The following GPC6 variants were observed in gnomAD, a reference collection of about 807,000 sequenced individuals.
GPC6 encodes glypican 6.
In GPC6, 14 loss-of-function variants were observed where a neutral mutation model predicts 55.2. The ratio of observed to expected loss-of-function variants is 0.25; its 90% confidence interval spans 0.17 to 0.40. The LOEUF (loss-of-function observed/expected upper bound fraction) is 0.40, where lower values mean the gene tolerates loss of function less well. GPC6 is among the 10% of genes least tolerant of loss of function. GPC6 has a pLI of 1.00. For missense variants in GPC6, 641 were observed against 708.5 expected (o/e 0.90, Z 1.08); for synonymous variants, 278 against 259.6 (o/e 1.07, Z -0.68).
chr13:94,250,989 G>C (rs1186167618), intron 4 of GPC6, among the ~76,000 whole-genome samples: 1 of 152,102 alleles, frequency 6.6e-6, no homozygotes, highest in African/African-American at 2.4e-5. Flanking sequence ...GTAAATAGGG[G>C]AGATGGAATT....
At chr13:93,547,046 G>T (rs999933761) in intron 2 of GPC6, among the ~76,000 whole-genome samples, 1 of 151,950 alleles carries the variant, frequency 6.6e-6, no homozygotes, top group Non-Finnish European at 1.5e-5. Flanking sequence ...CCAAGACTGA[G>T]CCGGCCAGGC....
intron 1 of GPC6, among the ~76,000 whole-genome samples, chr13:93,283,386 A>G (rs1237014866): frequency 2.6e-5 from 4 of 152,234 alleles, no homozygotes; most frequent in African/African-American, 9.6e-5. Context: ...TTTCTCAAGA[A>G]AATAAGAGAT....
chr13:93,557,138 T>A (rs1295400822), intron 2 of GPC6, among the ~76,000 whole-genome samples: 6 of 152,140 alleles, frequency 3.9e-5, no homozygotes, highest in African/African-American at 1.4e-4. Flanking sequence ...TCTGAAAAAA[T>A]AAAATAAATT....
rs571627117 is a variant in GPC6, at chr13:93,695,876, G to A, written c.320-134278G>A. 2.7e-4 allele frequency among the ~76,000 whole-genome samples: 41 copies of A among 151,982 alleles called. 1 individual carries two copies. In the South Asian group the frequency reaches 8.1e-3, roughly 30 times the overall value. ...TTGAACCTATTTTCCACCCATTTTT[G>A]TTCTTATAGTTAGAAGGTAGGCAGG... On this transcript the variant is annotated intron_variant, in intron 2 of 8. Coordinates refer to ENST00000377047, the MANE Select transcript of GPC6 (RefSeq NM_005708.5).
chr13:93,241,375 C>T (rs1876422542), intron 1 of GPC6, among the ~76,000 whole-genome samples: 2 of 152,252 alleles, frequency 1.3e-5, no homozygotes, highest in South Asian at 4.1e-4. Context: ...GTTGGGTAAA[C>T]CCAAAAGCCT....
chr13:93,322,431 CTTTTT>C (rs71272281), intron 1 of GPC6, among the ~76,000 whole-genome samples: 90 of 96,778 alleles, frequency 9.3e-4, no homozygotes, highest in African/African-American at 3.6e-3. Flanking sequence ...TTTCTTTCTT[CTTTTT>C]TTTTTTTTTT....
intron 4 of GPC6, among the ~76,000 whole-genome samples, chr13:94,202,265 T>C (rs554562230): frequency 1.8e-4 from 28 of 152,314 alleles, no homozygotes; most frequent in African/African-American, 6.7e-4. Flanking sequence ...TTTCACTAAA[T>C]AAAAAGATGT....
intron 2 of GPC6, among the ~76,000 whole-genome samples, chr13:93,582,807 G>A (rs549753485): frequency 6.6e-6 from 1 of 152,274 alleles, no homozygotes; most frequent in African/African-American, 2.4e-5. Flanking sequence ...ACTGTCAAAC[G>A]TGCTAGGAAA....
chr13:93,856,695 A>G (rs558833460), intron 3 of GPC6, among the ~76,000 whole-genome samples: 1 of 151,602 alleles, frequency 6.6e-6, no homozygotes, highest in Non-Finnish European at 1.5e-5. Context: ...ACATCATTCT[A>G]TGCAGATGGA....
intron 4 of GPC6, among the ~76,000 whole-genome samples, chr13:94,104,716 A>G (rs1885990436): frequency 6.6e-6 from 1 of 152,224 alleles, no homozygotes; most frequent in East Asian, 1.9e-4. Flanking sequence ...CCCATTCACA[A>G]TTGCTTCAAA....
intron 3 of GPC6, among the ~76,000 whole-genome samples, chr13:93,867,345 C>A (rs2139033558): frequency 6.6e-6 from 1 of 151,790 alleles, no homozygotes; most frequent in Non-Finnish European, 1.5e-5. Context: ...TGTGTGTGAA[C>A]TGAGAAGTCT....
intron 1 of GPC6, among the ~76,000 whole-genome samples, chr13:93,516,261 T>G (rs1422088763): frequency 1.3e-5 from 2 of 152,190 alleles, no homozygotes; most frequent in African/African-American, 4.8e-5. Context: ...CAGTTTTCTA[T>G]GTTGCACTCA....
chr13:93,601,466 G>T (rs1285715739), intron 2 of GPC6, among the ~76,000 whole-genome samples: 1 of 152,118 alleles, frequency 6.6e-6, no homozygotes, highest in African/African-American at 2.4e-5. Context: ...GAATAGATGA[G>T]CATTTAATCC....
chr13:93,298,475 C>A (rs1174738422), intron 1 of GPC6, among the ~76,000 whole-genome samples: 1 of 152,152 alleles, frequency 6.6e-6, no homozygotes, highest in Non-Finnish European at 1.5e-5. Flanking sequence ...CACTCTGTCA[C>A]CCAGGTTGGA....
At chr13:93,236,323 C>T (rs1876233644) in intron 1 of GPC6, among the ~76,000 whole-genome samples, 1 of 152,016 alleles carries the variant, frequency 6.6e-6, no homozygotes, top group Non-Finnish European at 1.5e-5. Flanking sequence ...TTTTAGCGTA[C>T]CTGTCACCCA....
At chr13:94,367,235 C>G (rs1439751270) in intron 6 of GPC6, among the ~76,000 whole-genome samples, 1 of 152,220 alleles carries the variant, frequency 6.6e-6, no homozygotes, top group Non-Finnish European at 1.5e-5. Flanking sequence ...ATTGCTATTT[C>G]TCAGTCTTGA....
the GPC6 span, among the ~76,000 whole-genome samples, chr13:93,221,585 A>T: frequency 6.6e-6 from 1 of 152,232 alleles, no homozygotes; most frequent in Non-Finnish European, 1.5e-5. Context: ...TATATGTTTA[A>T]GGCTCAATAA....
At chr13:93,238,604 G>A (rs1386098382) in intron 1 of GPC6, among the ~76,000 whole-genome samples, 1 of 152,022 alleles carries the variant, frequency 6.6e-6, no homozygotes, top group Non-Finnish European at 1.5e-5. Flanking sequence ...AGGACTTCCA[G>A]TATGTGTTCA....
intron 1 of GPC6, among the ~76,000 whole-genome samples, chr13:93,514,132 C>G (rs544937745): frequency 6.6e-6 from 1 of 152,010 alleles, no homozygotes; most frequent in Non-Finnish European, 1.5e-5. Flanking sequence ...CTCAGCCTCC[C>G]GAAATGCTGG....
Sources: allele counts gnomAD v4.1 joint callset (sites outside exome capture counted in the v4.1 genomes callset), GRCh38; gene constraint gnomAD v4.1.1; transcripts MANE v1.5; gene names NCBI Gene and HGNC (gene_info 2026-07-23, HGNC 2026-07-21).